FILIP1: variants seen among roughly 807,000 people sequenced by gnomAD.
FILIP1 encodes filamin-A-interacting protein 1.
A neutral mutation model predicts 102.1 loss-of-function variants in FILIP1; 61 were observed. The ratio of observed to expected loss-of-function variants is 0.60; its 90% confidence interval spans 0.49 to 0.74. The LOEUF (loss-of-function observed/expected upper bound fraction) is 0.74, where lower values mean the gene tolerates loss of function less well. Ranked by LOEUF, FILIP1 falls within the 30% of genes least tolerant of loss-of-function variation. The pLI, the probability that FILIP1 is intolerant of heterozygous loss-of-function variation, is 0.00. For synonymous variants in FILIP1, 491 were observed against 526.9 expected (o/e 0.93, Z 0.93); for missense variants, 1,314 against 1,441.2 (o/e 0.91, Z 1.43).
chr6:75,380,438 TACTC>T (rs925564660), intron 2 of FILIP1, among the ~76,000 whole-genome samples: 71 of 152,256 alleles, frequency 4.7e-4, no homozygotes, highest in African/African-American at 1.6e-3. Context: ...GAGATACCAT[TACTC>T]ACCTCTTAAA....
chr6:75,484,420 CTGTCTTTTAAAGTACTTT>C (rs1779727918), intron 1 of FILIP1, among the ~76,000 whole-genome samples: 2 of 150,516 alleles, frequency 1.3e-5, no homozygotes, highest in African/African-American at 4.9e-5. Flanking sequence ...TTTTAAAGTA[CTGTCTTTTAAAGTACTTT>C]TAAAGTACTG....
intron 1 of FILIP1, among the ~76,000 whole-genome samples, chr6:75,489,045 TA>T (rs1467438461): frequency 6.6e-6 from 1 of 152,080 alleles, no homozygotes; most frequent in African/African-American, 2.4e-5. Context: ...AGGAGAGAAA[TA>T]AAGAATGATA....
intron 3 of FILIP1, among the ~76,000 whole-genome samples, chr6:75,355,168 G>A (rs886855860): frequency 1.6e-4 from 24 of 151,942 alleles, no homozygotes; most frequent in Non-Finnish European, 2.4e-4. Flanking sequence ...GTTGGCAGAC[G>A]CCTGTAATCC....
At position 75,379,461 on chromosome 6, in the gene FILIP1, T is replaced by C. The variant is rs564462973; in HGVS notation, c.277-16544A>G. Among the ~76,000 whole-genome samples, 4 of 152,334 alleles carry C rather than the reference T, an allele frequency of 2.6e-5. No homozygotes were observed. In the South Asian group the frequency reaches 8.3e-4, roughly 32 times the overall value. ...GGTCTATCATTGAATTTCAGACTTA[T>C]TCAAAGGTGTTAGATAGATTGCAAT... On this transcript the variant is annotated intron_variant, in intron 2 of 5. Transcript: ENST00000237172.
At chr6:75,455,473 A>G (rs112256008) in intron 1 of FILIP1, among the ~76,000 whole-genome samples, 2 of 152,334 alleles carry the variant, frequency 1.3e-5, no homozygotes, top group African/African-American at 4.8e-5. Flanking sequence ...ACTAAAGAAG[A>G]AAAATTTTTA....
At chr6:75,352,306 A>T (rs1305936781) in intron 4 of FILIP1, among the ~76,000 whole-genome samples, 1 of 152,216 alleles carries the variant, frequency 6.6e-6, no homozygotes, top group African/African-American at 2.4e-5. Context: ...AAAAGCAGAC[A>T]TGCTTGGTAA....
At chr6:75,435,278 C>T (rs914210977) in intron 1 of FILIP1, among the ~76,000 whole-genome samples, 3 of 152,068 alleles carry the variant, frequency 2.0e-5, no homozygotes, top group Non-Finnish European at 4.4e-5. Flanking sequence ...TGATTTTTTT[C>T]AAAGAACAAA....
intron 4 of FILIP1, among the ~76,000 whole-genome samples, chr6:75,352,762 A>T (rs1053441399): frequency 6.6e-6 from 1 of 151,714 alleles, no homozygotes; most frequent in Admixed American, 6.6e-5. Flanking sequence ...GCAGATTTCC[A>T]CCCCAAAGAG....
chr6:75,294,336 A>G (rs1322518887), exon 7 of FILIP1: 5 of 152,122 alleles, frequency 3.3e-5, no homozygotes, highest in Non-Finnish European at 7.4e-5. Context: ...GTAAAGTTAC[A>G]TGATAAATGA....
chr6:75,464,669 C>G (rs2149755281), intron 1 of FILIP1, among the ~76,000 whole-genome samples: 1 of 152,324 alleles, frequency 6.6e-6, no homozygotes, highest in South Asian at 2.1e-4. Context: ...ATTTTAACTT[C>G]ATACTATTCT....
intron 1 of FILIP1, among the ~76,000 whole-genome samples, chr6:75,460,020 G>A (rs1358788876): frequency 6.6e-6 from 1 of 152,134 alleles, no homozygotes; most frequent in Non-Finnish European, 1.5e-5. Context: ...CTCCAACAGA[G>A]CCAATAAAGT....
intron 2 of FILIP1, among the ~76,000 whole-genome samples, chr6:75,405,359 G>A (rs1389780067): frequency 6.6e-6 from 1 of 151,318 alleles, no homozygotes; most frequent in Non-Finnish European, 1.5e-5. Flanking sequence ...CTAAAGAAGG[G>A]GGAAAATTAG....
Position 75,308,795 on chromosome 6 carries a change from T to C in FILIP1, c.3538A>G (p.Asn1180Asp). The C allele has an allele frequency of 6.2e-7, 1 of 1,614,128 alleles. No individual in the cohort carries two copies. Among genetic ancestry groups the C allele is most frequent in the Non-Finnish European group, 8.5e-7 (1 of 1,180,012 alleles). The change falls in exon 6 of 6, where the codon AAT becomes GAT. Residue 1180 changes from asparagine (N) to aspartate (D), a missense_variant. This residue lies in a region of FILIP1 where 816 missense variants were observed against 913.1 expected (regional missense o/e 0.89). Transcript: ENST00000237172. ...GCTCGAGGCTCGAATTTGGTCAGAT[T>C]TCCTGCTCCTGGGGCTGCCACTACT... Reference protein sequence around the residue: ...KPVVAAPGAGNLTKFEPRAET... With the variant: ...KPVVAAPGAGDLTKFEPRAET...
intron 2 of FILIP1, among the ~76,000 whole-genome samples, chr6:75,386,908 T>C (rs368159887): frequency 8.5e-5 from 13 of 152,188 alleles, no homozygotes; most frequent in Admixed American, 8.5e-4. Flanking sequence ...GTTTGTTACA[T>C]AGGTATACAT....
At chr6:75,462,210 G>A (rs1310734317) in intron 1 of FILIP1, among the ~76,000 whole-genome samples, 1 of 152,144 alleles carries the variant, frequency 6.6e-6, no homozygotes, top group African/African-American at 2.4e-5. Flanking sequence ...CACAATCAGA[G>A]GTGGGATTTT....
Position 75,314,913 on chromosome 6 carries a change from C to G in FILIP1, c.919G>C (p.Ala307Pro), listed in dbSNP as rs866193515. The G allele has an allele frequency of 1.2e-6, 2 of 1,613,990 alleles. No homozygotes were observed. The highest frequency in any genetic ancestry group is 8.5e-7 in the Non-Finnish European group (1 of 1,180,030). The change falls in exon 5 of 6, where the codon GCT becomes CCT. Residue 307 changes from alanine to proline, a missense_variant. Ala to Pro is a conservative substitution (Grantham distance 27, BLOSUM62 -1). Coordinates refer to ENST00000237172, the MANE Select transcript of FILIP1 (RefSeq NM_015687.5). ...TCATGCTCTTGAGAAAACCTCGAAGCCTTGTGTTCAAAGTCCACTTCTAAC... is the reference window on the plus strand; with the variant it reads ...TCATGCTCTTGAGAAAACCTCGAAGGCTTGTGTTCAAAGTCCACTTCTAAC... The part of the protein sequence containing the change: ...LKLEVDFEHK[A>P]SRFSQEHEEM...
intron 2 of FILIP1, among the ~76,000 whole-genome samples, chr6:75,386,998 C>A (rs1201279183): frequency 6.6e-6 from 1 of 151,236 alleles, no homozygotes. Flanking sequence ...CCTTTGCTAT[C>A]CCTAATGCTA....
chr6:75,446,593 C>T (rs1336760765), intron 1 of FILIP1, among the ~76,000 whole-genome samples: 2 of 152,134 alleles, frequency 1.3e-5, no homozygotes, highest in Admixed American at 1.3e-4. Context: ...CCTGGGTTCA[C>T]ACTCCTTGAC....
chr6:75,390,712 G>T (rs1309373908), intron 2 of FILIP1, among the ~76,000 whole-genome samples: 1 of 151,996 alleles, frequency 6.6e-6, no homozygotes, highest in African/African-American at 2.4e-5. Context: ...CCAACACTGG[G>T]GATTACATTT....
Sources: allele counts gnomAD v4.1 joint callset (sites outside exome capture counted in the v4.1 genomes callset), GRCh38; gene constraint gnomAD v4.1.1; regional missense constraint gnomAD v4.1.1; transcripts MANE v1.5; gene names NCBI Gene and HGNC (gene_info 2026-07-23, HGNC 2026-07-21).